The following GPR158 variants were observed in gnomAD, a reference collection of about 807,000 sequenced individuals.
GPR158 encodes G protein-coupled receptor 158, also known as metabotropic glycine receptor.
A neutral mutation model predicts 78.2 loss-of-function variants in GPR158; 30 were observed. The observed-to-expected ratio is 0.38, with a 90% CI of 0.29 to 0.52. The LOEUF is 0.52. Among genes scored for constraint, GPR158 ranks in the 20% least tolerant of loss-of-function variants. The pLI, the probability that GPR158 is intolerant of heterozygous loss-of-function variation, is 0.83. For synonymous variants in GPR158, 581 were observed against 591.1 expected (o/e 0.98, Z 0.25); for missense variants, 1,463 against 1,523.5 (o/e 0.96, Z 0.66).
chr10:25,260,707 T>C (rs1184611277), intron 2 of GPR158, among the ~76,000 whole-genome samples: 1 of 152,094 alleles, frequency 6.6e-6, no homozygotes, highest in Non-Finnish European at 1.5e-5. Context: ...TAAAAGGGGC[T>C]TAGGTTTTGT....
At chr10:25,324,188 CTG>C (rs1294231493) in intron 2 of GPR158, among the ~76,000 whole-genome samples, 2 of 152,234 alleles carry the variant, frequency 1.3e-5, no homozygotes, top group African/African-American at 4.8e-5. Flanking sequence ...ACTTGGCTAA[CTG>C]TTTCGCACGA....
intron 4 of GPR158, among the ~76,000 whole-genome samples, chr10:25,413,372 T>G (rs1297944978): frequency 6.6e-6 from 1 of 152,178 alleles, no homozygotes; most frequent in African/African-American, 2.4e-5. Context: ...TGTATGCCTT[T>G]CAGTCAGGGG....
At chr10:25,487,578 C>T (rs370689461) in intron 5 of GPR158, among the ~76,000 whole-genome samples, 4 of 152,238 alleles carry the variant, frequency 2.6e-5, no homozygotes, top group East Asian at 1.9e-4. Context: ...CTGCCTCTTA[C>T]GAGCTTTGTG....
At position 25,440,560 on chromosome 10, in the gene GPR158, C is replaced by A. The variant is rs374280567; in HGVS notation, c.1336-26091C>A. Among the ~76,000 whole-genome samples, 13 of 152,282 alleles carry A rather than the reference C, an allele frequency of 8.5e-5. No homozygotes were observed. The South Asian group carries it at 2.5e-3, about 29-fold the overall frequency. The stretch of plus-strand genomic sequence containing the variant: ...GAGTTAACATGAGAAAGTTTAAGTT[C>A]AACAGAAATAACGTTCTTACTGACT... On this transcript the variant is annotated intron_variant, in intron 4 of 10. Coordinates refer to ENST00000376351, the MANE Select transcript of GPR158 (RefSeq NM_020752.3).
intron 5 of GPR158, among the ~76,000 whole-genome samples, chr10:25,517,593 T>G (rs1397992545): frequency 6.6e-6 from 1 of 152,122 alleles, no homozygotes; most frequent in Non-Finnish European, 1.5e-5. Context: ...GGTTGTTGAA[T>G]TTTGTCAAAG....
At chr10:25,454,453 A>G (rs1835265063) in intron 4 of GPR158, among the ~76,000 whole-genome samples, 1 of 152,146 alleles carries the variant, frequency 6.6e-6, no homozygotes, top group African/African-American at 2.4e-5. Context: ...ATGGATTAGG[A>G]GGGATAAGGG....
At chr10:25,309,465 G>T (rs1854732533) in intron 2 of GPR158, among the ~76,000 whole-genome samples, 1 of 151,968 alleles carries the variant, frequency 6.6e-6, no homozygotes. Context: ...TGCATTATTT[G>T]ATATATGATT....
intron 1 of GPR158, among the ~76,000 whole-genome samples, chr10:25,216,145 A>G (rs1853209846): frequency 6.6e-6 from 1 of 152,134 alleles, no homozygotes; most frequent in South Asian, 2.1e-4. Flanking sequence ...TAGAGTTTTT[A>G]TTATGGCAGC....
chr10:25,196,383 G>T (rs1212733380), intron 1 of GPR158, among the ~76,000 whole-genome samples: 2 of 151,934 alleles, frequency 1.3e-5, no homozygotes, highest in African/African-American at 4.8e-5. Context: ...TCTCTTTGAG[G>T]ATCTTAATTT....
At chr10:25,442,672 G>C (rs562518424) in intron 4 of GPR158, among the ~76,000 whole-genome samples, 8 of 152,160 alleles carry the variant, frequency 5.3e-5, no homozygotes, top group African/African-American at 1.9e-4. Flanking sequence ...ATATATCAGA[G>C]AGCCAGTAAG....
At chr10:25,479,836 C>T (rs1235254961) in intron 5 of GPR158, among the ~76,000 whole-genome samples, 1 of 151,466 alleles carries the variant, frequency 6.6e-6, no homozygotes, top group African/African-American at 2.4e-5. Flanking sequence ...TGTTATATTT[C>T]TCCTCTTCTT....
intron 8 of GPR158, among the ~76,000 whole-genome samples, chr10:25,592,475 T>G (rs1430737860): frequency 6.6e-6 from 1 of 152,042 alleles, no homozygotes; most frequent in Non-Finnish European, 1.5e-5. Flanking sequence ...TAGACCTATG[T>G]TTTAAAAGAT....
intron 2 of GPR158, among the ~76,000 whole-genome samples, chr10:25,241,684 A>G (rs1853631801): frequency 2.6e-5 from 4 of 152,156 alleles, no homozygotes; most frequent in Admixed American, 1.3e-4. Flanking sequence ...GGCCTCCCAA[A>G]GTGCTGGGAT....
At chr10:25,235,915 G>C (rs573296165) in intron 2 of GPR158, among the ~76,000 whole-genome samples, 249 of 151,874 alleles carry the variant, frequency 1.6e-3, no homozygotes, top group Non-Finnish European at 2.9e-3. Context: ...CCAGGATGGT[G>C]TCAATCATCT....
intron 5 of GPR158, among the ~76,000 whole-genome samples, chr10:25,515,075 G>T (rs1836144952): frequency 1.3e-5 from 2 of 151,928 alleles, no homozygotes; most frequent in South Asian, 4.1e-4. Context: ...AACAAGGCTG[G>T]GGAAGTTTTC....
chr10:25,489,094 G>A (rs528425579), intron 5 of GPR158, among the ~76,000 whole-genome samples: 2 of 152,080 alleles, frequency 1.3e-5, no homozygotes, highest in Admixed American at 6.6e-5. Context: ...ACAAAAACTT[G>A]TTGGCCTGAA....
chr10:25,311,647 C>T (rs140115926), intron 2 of GPR158, among the ~76,000 whole-genome samples: 3 of 151,958 alleles, frequency 2.0e-5, no homozygotes, highest in African/African-American at 2.4e-5. Flanking sequence ...CAGCATTTCT[C>T]ATACTTTTTG....
chr10:25,440,333 A>G (rs1835051966), intron 4 of GPR158, among the ~76,000 whole-genome samples: 2 of 152,186 alleles, frequency 1.3e-5, no homozygotes, highest in Non-Finnish European at 2.9e-5. Flanking sequence ...ACTGTTGATC[A>G]TGCCTTGAGC....
chr10:25,544,218 A>G (rs987873222), intron 5 of GPR158, among the ~76,000 whole-genome samples: 9 of 152,208 alleles, frequency 5.9e-5, no homozygotes, highest in Non-Finnish European at 1.3e-4. Flanking sequence ...CCTGTGGCCA[A>G]CAAATTCAAT....
Sources: gnomAD v4.1 joint callset for allele counts (sites outside exome capture counted in the v4.1 genomes callset) on GRCh38, gnomAD v4.1.1 for gene constraint, MANE v1.5 for transcripts, NCBI Gene and HGNC (gene_info 2026-07-23, HGNC 2026-07-21) for gene names.